The following NEXN variants were observed in gnomAD, a reference collection of about 807,000 sequenced individuals.
NEXN encodes the protein nexilin.
Under a neutral mutation model 92.6 loss-of-function variants are expected in NEXN, and 65 were observed. The ratio of observed to expected loss-of-function variants is 0.70; its 90% CI spans 0.57 to 0.86. The LOEUF is 0.86. Among genes scored for constraint, NEXN ranks in the 40% least tolerant of loss-of-function variants. The pLI is 0.00. For missense variants in NEXN, 778 were observed against 771.1 expected, an observed-to-expected ratio of 1.01 and a Z score of -0.11; for synonymous variants, 254 against 242.5, an observed-to-expected ratio of 1.05 and a Z score of -0.44.
At chr1:77,917,487 G>C in intron 2 of NEXN, 79 bp from the exon 3 acceptor site, 1 of 1,015,492 alleles carries the variant, frequency 9.8e-7, no homozygotes. Flanking sequence ...TTTTTATATT[G>C]CTTATTCTTA....
At chr1:77,905,306 C>T (rs17101052) in intron 1 of NEXN, among the ~76,000 whole-genome samples, 7,236 of 152,092 alleles carry the variant, frequency 0.048, 236 homozygotes, top group East Asian at 0.11. Context: ...TACAATATCC[C>T]TGCATAATGA....
intron 1 of NEXN, among the ~76,000 whole-genome samples, chr1:77,913,572 T>TA (rs1340413987): frequency 6.6e-6 from 1 of 151,964 alleles, no homozygotes; most frequent in African/African-American, 2.4e-5. Flanking sequence ...GAAATGCAAA[T>TA]AAAAATGACA....
chr1:77,889,435 T>C (rs761268533), intron 1 of NEXN: 5 of 151,316 alleles, frequency 3.3e-5, no homozygotes, highest in Admixed American at 6.6e-5. Flanking sequence ...TTACGAAGTT[T>C]ACGTAGTTTA....
In NEXN at chr1:77,926,821, C is replaced by A. The variant is rs761106568; in HGVS notation, c.793C>A (p.Gln265Lys). Residue 265 changes from glutamine (Q) to lysine (K), a missense_variant, in exon 8 of 13, where the codon CAA (glutamine) becomes AAA (lysine). By Grantham distance (53) the Gln-to-Lys change is moderately conservative (BLOSUM62 1). Around this residue, in one of 3 missense-constraint regions of NEXN, gnomAD observed 532 missense variants for 476.7 expected, o/e 1.12. Transcript: ENST00000334785. ...ACAAAGACAAGAAAACCGAAAGAAG[C>A]AAGCTGAAGAGGAAGCAAGAAAACG... is the stretch of plus-strand genomic sequence containing the variant. ...ERQRQENRKK[Q>K]AEEEARKRLE... 7 of 1,613,702 alleles carry A rather than the reference C, an allele frequency of 4.3e-6. No individual in the cohort carries two copies. The highest frequency in any genetic ancestry group is 1.3e-5 in the African/African-American group (1 of 74,824).
At chr1:77,936,312 G>C (rs1031064548) in intron 11 of NEXN, among the ~76,000 whole-genome samples, 1 of 152,172 alleles carries the variant, frequency 6.6e-6, no homozygotes, top group African/African-American at 2.4e-5. Context: ...TTTTGGCTGG[G>C]CGTGGTGGCT....
intron 1 of NEXN, among the ~76,000 whole-genome samples, chr1:77,900,203 T>A (rs1020561636): frequency 6.6e-6 from 1 of 152,188 alleles, no homozygotes; most frequent in African/African-American, 2.4e-5. Context: ...TTGGTATTTT[T>A]GTTCATTCTG....
chr1:77,911,739 TTATATA>T (rs34038877), intron 1 of NEXN, among the ~76,000 whole-genome samples: 29 of 148,152 alleles, frequency 2.0e-4, no homozygotes, highest in Non-Finnish European at 1.9e-4. Context: ...ATAGCCTGTT[TTATATA>T]TATATATATA....
intron 1 of NEXN, among the ~76,000 whole-genome samples, chr1:77,905,352 A>C (rs113191182): frequency 0.024 from 3,611 of 152,044 alleles, 47 homozygotes; most frequent in Middle Eastern, 0.065. Context: ...TATCCAGATA[A>C]TCTTTATCTG....
Position 77,942,729 on chromosome 1 carries a change from A to C in NEXN, c.1928A>C (p.Glu643Ala), listed in dbSNP as rs1651487390. The C allele has an allele frequency of 1.2e-6, 2 of 1,613,814 alleles. No homozygotes were observed. The highest frequency in any genetic ancestry group is 1.7e-6 in the Non-Finnish European group (2 of 1,179,764). Residue 643 changes from glutamate to alanine, a missense_variant, in exon 13 of 13, where the codon GAA becomes GCA. By Grantham distance (107) the Glu-to-Ala change is moderately radical. Transcript: ENST00000334785. Reference sequence around the variant, plus strand: ...GAAACTTACTGCCTTTACTTACCAGAAACTTTCCCAGAAGATGGAGGAGAG... The same window carrying C: ...GAAACTTACTGCCTTTACTTACCAGCAACTTTCCCAGAAGATGGAGGAGAG... ...RGETYCLYLP[E>A]TFPEDGGEYM... is the part of the protein sequence containing the mutation.
chr1:77,909,683 G>A (rs1447879546), intron 1 of NEXN, among the ~76,000 whole-genome samples: 1 of 152,096 alleles, frequency 6.6e-6, no homozygotes, highest in African/African-American at 2.4e-5. Context: ...AATAATTACA[G>A]GGAATCATGT....
chr1:77,907,240 T>G (rs560088202), intron 1 of NEXN, among the ~76,000 whole-genome samples: 10 of 152,358 alleles, frequency 6.6e-5, no homozygotes, highest in African/African-American at 2.4e-4. Flanking sequence ...TTTATCCTTG[T>G]GTTAACACAG....
At chr1:77,940,946 T>C (rs145010188) in intron 11 of NEXN, among the ~76,000 whole-genome samples, 68 of 152,192 alleles carry the variant, frequency 4.5e-4, no homozygotes, top group African/African-American at 1.4e-3. Context: ...TTTTCCAACA[T>C]CAAATAAAAA....
chr1:77,889,727 GA>G (rs759531976), intron 1 of NEXN, among the ~76,000 whole-genome samples: 30 of 152,302 alleles, frequency 2.0e-4, no homozygotes, highest in Non-Finnish European at 3.8e-4. Context: ...TGTCCTTGGT[GA>G]AGACACAGGT....
At chr1:77,921,956 T>TG (rs1649455355) in intron 5 of NEXN, among the ~76,000 whole-genome samples, 2 of 151,982 alleles carry the variant, frequency 1.3e-5, no homozygotes, top group South Asian at 4.2e-4. Flanking sequence ...TTTGTAGAGA[T>TG]GGGGTCTCAC....
At chr1:77,941,590 T>C (rs1267594836) in intron 11 of NEXN, 3 of 177,830 alleles carry the variant, frequency 1.7e-5, no homozygotes, top group Admixed American at 5.5e-5. Context: ...ATTAGGGACA[T>C]AGTTCTAAGA....
chr1:77,916,270 C>A, intron 2 of NEXN, 137 bp downstream of exon 2: 1 of 535,022 alleles, frequency 1.9e-6, no homozygotes, highest in Non-Finnish European at 3.3e-6. Context: ...AGATGTAAAA[C>A]AAGAAGAGAT....
At chr1:77,894,176 C>T (rs1224006356) in intron 1 of NEXN, among the ~76,000 whole-genome samples, 1 of 151,918 alleles carries the variant, frequency 6.6e-6, no homozygotes, top group Non-Finnish European at 1.5e-5. Flanking sequence ...AGGCTGGTCT[C>T]GAACTCCTGA....
At chr1:77,928,895 C>T (rs774836285) in intron 8 of NEXN, among the ~76,000 whole-genome samples, 4 of 152,156 alleles carry the variant, frequency 2.6e-5, no homozygotes, top group Non-Finnish European at 4.4e-5. Context: ...TACAGGCACA[C>T]ACCACCACAC....
chr1:77,898,009 G>A (rs896636477), intron 1 of NEXN, among the ~76,000 whole-genome samples: 5 of 152,166 alleles, frequency 3.3e-5, no homozygotes, highest in African/African-American at 4.8e-5. Context: ...TGAAATAAAA[G>A]AGGATACAAA....
Sources: allele counts gnomAD v4.1 joint callset (sites outside exome capture counted in the v4.1 genomes callset), GRCh38; gene constraint gnomAD v4.1.1; regional missense constraint gnomAD v4.1.1; transcripts MANE v1.5; gene names NCBI Gene and HGNC (gene_info 2026-07-23, HGNC 2026-07-21).